MDGA2: variants seen among roughly 807,000 people sequenced by gnomAD.
The protein encoded by MDGA2 is MAM domain-containing glycosylphosphatidylinositol anchor protein 2.
MDGA2 carries 40 observed loss-of-function variants against 117.8 expected under a neutral mutation model. That is an observed-to-expected ratio of 0.34 (90% CI 0.26 to 0.44). The LOEUF (loss-of-function observed/expected upper bound fraction) is 0.44. Ranked by LOEUF, MDGA2 falls within the 20% of genes least tolerant of loss-of-function variation. The probability of loss-of-function intolerance (pLI) is 1.00; values close to 1 mark genes in which losing one functional copy is unlikely to be tolerated. For synonymous variants in MDGA2, 452 were observed against 439.0 expected (o/e 1.03, Z -0.37); for missense variants, 1,123 against 1,250.6 (o/e 0.90, Z 1.54).
At chr14:47,115,094 TCTAGA>T (rs1461105465) in intron 5 of MDGA2, among the ~76,000 whole-genome samples, 2 of 152,022 alleles carry the variant, frequency 1.3e-5, no homozygotes, top group Non-Finnish European at 2.9e-5. Flanking sequence ...CTGAATACAC[TCTAGA>T]CTAAAGGGCA....
chr14:47,545,548 C>T lies in MDGA2; in HGVS notation c.280+128969G>A, dbSNP rs145979670. On this transcript the variant is annotated intron_variant, in intron 1 of 16. Transcript: ENST00000399232. ...GCTATAGATTAAAGGTCTGCACATA[C>T]CAAAAGCAAAGGAAAACTATGCAGG... Among the ~76,000 whole-genome samples, 7 of 152,140 alleles carry T rather than the reference C, an allele frequency of 4.6e-5. 1 individual carries two copies. Among genetic ancestry groups the T allele is most frequent in the African/African-American group, 1.7e-4 (7 of 41,512 alleles).
chr14:46,848,629 T>C (rs564006659), intron 15 of MDGA2, among the ~76,000 whole-genome samples: 3 of 149,418 alleles, frequency 2.0e-5, no homozygotes, highest in African/African-American at 7.3e-5. Context: ...AATCAAAAGA[T>C]TGGACCTAGG....
At chr14:47,426,355 A>G (rs1017637159) in intron 1 of MDGA2, among the ~76,000 whole-genome samples, 1 of 151,688 alleles carries the variant, frequency 6.6e-6, no homozygotes, top group Non-Finnish European at 1.5e-5. Flanking sequence ...GGTCATTGGG[A>G]TCTCTTTCAG....
intron 3 of MDGA2, 40 bp from the exon 4 acceptor site, chr14:47,144,314 A>T: frequency 1.4e-6 from 2 of 1,473,708 alleles, no homozygotes. Context: ...ATGTTATGAG[A>T]TAGATGACTT....
intron 10 of MDGA2, among the ~76,000 whole-genome samples, chr14:46,899,117 C>A (rs532349395): frequency 1.3e-5 from 2 of 152,034 alleles, no homozygotes; most frequent in Admixed American, 1.3e-4. Flanking sequence ...TTTTCTCTCC[C>A]ACACCACATC....
At chr14:46,958,256 G>A (rs1045089775) in intron 8 of MDGA2, among the ~76,000 whole-genome samples, 1 of 152,112 alleles carries the variant, frequency 6.6e-6, no homozygotes, top group Non-Finnish European at 1.5e-5. Flanking sequence ...GGCATTCCAG[G>A]TAGAGGAATG....
chr14:47,347,934 G>A (rs1477831198), intron 1 of MDGA2, among the ~76,000 whole-genome samples: 1 of 152,212 alleles, frequency 6.6e-6, no homozygotes, highest in Middle Eastern at 3.4e-3. Flanking sequence ...CTAGGAAAAG[G>A]TCAAGCAAAA....
At chr14:47,482,987 C>T (rs1331106825) in intron 1 of MDGA2, among the ~76,000 whole-genome samples, 1 of 151,528 alleles carries the variant, frequency 6.6e-6, no homozygotes, top group African/African-American at 2.4e-5. Context: ...TTCTAATGCA[C>T]TTATTTTTCC....
rs1056256833 is a variant in MDGA2, at chr14:47,474,648, A to G, written c.281-173098T>C. Among the ~76,000 whole-genome samples the G allele has an allele frequency of 5.9e-4, 90 of 152,280 alleles. 1 individual carries two copies. The highest frequency in any genetic ancestry group is 2.1e-3 in the African/African-American group (87 of 41,556). On this transcript the variant is annotated intron_variant, in intron 1 of 16. Coordinates refer to ENST00000399232, the MANE Select transcript of MDGA2 (RefSeq NM_001113498.3). Reference sequence around the variant, plus strand: ...GGTCCAAAAACAGACCCATGGACCAATGGAACAGAATAGAGTACTCAGAAA... The same window carrying G: ...GGTCCAAAAACAGACCCATGGACCAGTGGAACAGAATAGAGTACTCAGAAA...
intron 1 of MDGA2, among the ~76,000 whole-genome samples, chr14:47,463,233 T>G (rs1214318290): frequency 6.6e-6 from 1 of 152,174 alleles, no homozygotes; most frequent in Non-Finnish European, 1.5e-5. Flanking sequence ...CCCATTCCAC[T>G]GAAAAAATTC....
At chr14:46,952,696 G>C (rs1407796801) in intron 9 of MDGA2, among the ~76,000 whole-genome samples, 2 of 151,860 alleles carry the variant, frequency 1.3e-5, no homozygotes, top group Non-Finnish European at 2.9e-5. Flanking sequence ...GTAGCATAGA[G>C]ATATACAAAA....
At chr14:47,665,086 A>G (rs1897918998) in intron 1 of MDGA2, among the ~76,000 whole-genome samples, 1 of 152,136 alleles carries the variant, frequency 6.6e-6, no homozygotes, top group Admixed American at 6.5e-5. Context: ...CACCCATTCC[A>G]GGACTACTTT....
At chr14:47,391,865 T>G (rs1213358390) in intron 1 of MDGA2, among the ~76,000 whole-genome samples, 4 of 70,686 alleles carry the variant, frequency 5.7e-5, no homozygotes, top group Non-Finnish European at 1.4e-4. Flanking sequence ...AAGATTTGAT[T>G]TAAGCAATTT....
chr14:47,671,218 C>T, intron 1 of MDGA2, among the ~76,000 whole-genome samples: 1 of 152,126 alleles, frequency 6.6e-6, no homozygotes, highest in East Asian at 1.9e-4. Flanking sequence ...AGTTCGTTTG[C>T]TAAGCACTAT....
At chr14:46,931,594 C>T (rs1323823637) in intron 9 of MDGA2, among the ~76,000 whole-genome samples, 2 of 145,626 alleles carry the variant, frequency 1.4e-5, no homozygotes, top group African/African-American at 5.1e-5. Context: ...GCCATCTCAA[C>T]TCACTGCAAC....
intron 1 of MDGA2, among the ~76,000 whole-genome samples, chr14:47,561,735 T>C (rs890973073): frequency 6.6e-6 from 1 of 152,162 alleles, no homozygotes; most frequent in African/African-American, 2.4e-5. Context: ...CCTTGCTTGA[T>C]TGCACTGTCC....
At position 46,929,599 on chromosome 14, in the gene MDGA2, GTGTATATATATATATATATATATATATA is replaced by G. The variant is rs1281907263; in HGVS notation, c.2090-9467_2090-9440del. On this transcript the variant is annotated intron_variant, in intron 9 of 16. Coordinates refer to ENST00000399232, the MANE Select transcript of MDGA2 (RefSeq NM_001113498.3). ...TATATACGTGTGTGTGTGTGTGTGT[GTGTATATATATATATATATATATATATA>G]TATATATATATATATATATACATTT... Among the ~76,000 whole-genome samples the G allele has an allele frequency of 2.2e-3, 33 of 15,256 alleles. 3 individuals carry two copies. Among genetic ancestry groups the G allele is most frequent in the African/African-American group, 3.4e-3 (16 of 4,730 alleles). The allele number at this position is 15,256 out of a possible 152,430, so 10.0% of individuals were successfully genotyped here. A position where few individuals can be genotyped will look rare whatever the true frequency, so the allele number is the denominator to read the frequency against.
chr14:47,045,311 T>C (rs1264235967), intron 7 of MDGA2, among the ~76,000 whole-genome samples: 1 of 152,174 alleles, frequency 6.6e-6, no homozygotes, highest in African/African-American at 2.4e-5. Context: ...TATAATTTGG[T>C]TTTCTAACTT....
intron 1 of MDGA2, among the ~76,000 whole-genome samples, chr14:47,344,891 G>A (rs1369185213): frequency 6.6e-6 from 1 of 151,598 alleles, no homozygotes; most frequent in Non-Finnish European, 1.5e-5. Context: ...GTGTGTGTGT[G>A]TTTATGACAT....
Sources: gnomAD v4.1 joint callset for allele counts (sites outside exome capture counted in the v4.1 genomes callset) on GRCh38, gnomAD v4.1.1 for gene constraint, MANE v1.5 for transcripts, NCBI Gene and HGNC (gene_info 2026-07-23, HGNC 2026-07-21) for gene names.